Variants in RIMBP2 observed in about 807,000 individuals in gnomAD.
The protein encoded by RIMBP2 is RIMS binding protein 2, also known as RIMS-binding protein 2.
Under a neutral mutation model 118.6 loss-of-function variants are expected in RIMBP2, and 48 were observed. The ratio of observed to expected loss-of-function variants is 0.40; its 90% CI spans 0.32 to 0.51. The LOEUF (loss-of-function observed/expected upper bound fraction) is 0.51. Among genes scored for constraint, RIMBP2 ranks in the 20% least tolerant of loss-of-function variants. The pLI is 0.41. For synonymous variants in RIMBP2, 762 were observed against 742.9 expected, an observed-to-expected ratio of 1.03 and a Z score of -0.42; for missense variants, 1,551 against 1,768.3, an observed-to-expected ratio of 0.88 and a Z score of 2.20.
intron 2 of RIMBP2, among the ~76,000 whole-genome samples, chr12:130,582,301 TA>T (rs2017193496): frequency 6.6e-6 from 1 of 152,186 alleles, no homozygotes; most frequent in Non-Finnish European, 1.5e-5. Flanking sequence ...GGACCCTCAA[TA>T]AACTAGTATT....
At chr12:130,580,049 T>C (rs1486133953) in intron 2 of RIMBP2, among the ~76,000 whole-genome samples, 1 of 76,104 alleles carries the variant, frequency 1.3e-5, no homozygotes, top group African/African-American at 4.5e-5. Flanking sequence ...AAAAAAAAAA[T>C]TAGCCGGGCA....
intron 1 of RIMBP2, among the ~76,000 whole-genome samples, chr12:130,657,237 G>A (rs902130878): frequency 6.6e-6 from 1 of 152,118 alleles, no homozygotes; most frequent in African/African-American, 2.4e-5. Flanking sequence ...ATGGGATGAG[G>A]GCACATCCTC....
At chr12:130,423,354 A>G (rs2076538780) in intron 16 of RIMBP2, among the ~76,000 whole-genome samples, 1 of 152,154 alleles carries the variant, frequency 6.6e-6, no homozygotes. Flanking sequence ...TGAGGCACGG[A>G]TCTCGCACCT....
intron 1 of RIMBP2, among the ~76,000 whole-genome samples, chr12:130,664,421 GCACACACATGCA>G (rs1251533469): frequency 2.5e-5 from 2 of 80,814 alleles, no homozygotes; most frequent in African/African-American, 7.9e-5. Flanking sequence ...GCACACACAC[GCACACACATGCA>G]TGCACGCACA....
At position 130,688,837 on chromosome 12, in the gene RIMBP2, T is replaced by A. The variant is rs990865457; in HGVS notation, c.-352+27385A>T. Among the ~76,000 whole-genome samples, 2 of 152,130 alleles carry A rather than the reference T, an allele frequency of 1.3e-5. No individual in the cohort carries two copies. The highest frequency in any genetic ancestry group is 2.9e-5 in the Non-Finnish European group (2 of 68,020). On this transcript the variant is annotated intron_variant, in intron 1 of 22. Transcript: ENST00000690449. The surrounding 1 kb of genome is among the most constrained non-coding windows in gnomAD (Gnocchi z 4.7). ...CTCAGCTGAAACGTTTCGAACCAAGTCTAAACTCTGCAAAACGCTGGCTGA... is the reference window on the plus strand; with the variant it reads ...CTCAGCTGAAACGTTTCGAACCAAGACTAAACTCTGCAAAACGCTGGCTGA...
At chr12:130,460,965 C>T (rs542729189) in intron 6 of RIMBP2, among the ~76,000 whole-genome samples, 8 of 150,456 alleles carry the variant, frequency 5.3e-5, no homozygotes, top group African/African-American at 1.3e-4. Flanking sequence ...GCCTGAGAAA[C>T]GCCCCCAGGC....
At chr12:130,438,743 G>C (rs2292668) in intron 11 of RIMBP2, among the ~76,000 whole-genome samples, 1 of 151,966 alleles carries the variant, frequency 6.6e-6, no homozygotes, top group Non-Finnish European at 1.5e-5. Context: ...CTTTAAATTC[G>C]GCATTTAGTC....
chr12:130,624,081 C>T (rs535074082), intron 2 of RIMBP2, among the ~76,000 whole-genome samples: 3 of 152,352 alleles, frequency 2.0e-5, no homozygotes, highest in Non-Finnish European at 4.4e-5. Context: ...CTCAGTATAG[C>T]TACACTGCTG....
At chr12:130,412,269 T>G (rs1398265811) in intron 19 of RIMBP2, among the ~76,000 whole-genome samples, 4 of 152,072 alleles carry the variant, frequency 2.6e-5, no homozygotes, top group African/African-American at 9.7e-5. Flanking sequence ...CCACTGAAAT[T>G]TATTGTAGAC....
chr12:130,399,961 A>G, intron 21 of RIMBP2, 148 bp from the exon 22 acceptor site: 1 of 890,080 alleles, frequency 1.1e-6, no homozygotes, highest in Non-Finnish European at 1.7e-6. Flanking sequence ...ACTCTAAATC[A>G]GGGTTTCCAA....
chr12:130,408,144 C>A (rs1275752009), intron 19 of RIMBP2, among the ~76,000 whole-genome samples: 1 of 152,226 alleles, frequency 6.6e-6, no homozygotes, highest in African/African-American at 2.4e-5. Flanking sequence ...CAAATTTAGA[C>A]GGCTTTGGCC....
rs149514497 is a variant in RIMBP2, at chr12:130,648,086, G to T, written c.-351-19630C>A. The stretch of plus-strand genomic sequence containing the variant: ...AGCCAAAGGGCATGTCAGGAGTCAC[G>T]CGCTGATCATCACCGAGCAGATACA... On this transcript the variant is annotated intron_variant, in intron 1 of 22. Coordinates refer to ENST00000690449, the MANE Select transcript of RIMBP2 (RefSeq NM_001393629.1). Among the ~76,000 whole-genome samples, 139 of 130,670 alleles carry T rather than the reference G, an allele frequency of 1.1e-3. 10 individuals carry two copies. The highest frequency in any genetic ancestry group is 3.5e-3 in the African/African-American group (138 of 39,866). 85.7% of individuals were successfully genotyped at this position (130,670 alleles called of 152,430 possible).
chr12:130,698,300 C>A (rs537888359), intron 1 of RIMBP2, among the ~76,000 whole-genome samples: 78 of 152,176 alleles, frequency 5.1e-4, no homozygotes, highest in Non-Finnish European at 9.3e-4. Flanking sequence ...CAAACACTGT[C>A]CTTAACTTGC....
In RIMBP2 at chr12:130,628,465, A is replaced by G. The variant is rs1278110503; in HGVS notation, c.-351-9T>C. On this transcript the variant is annotated splice_polypyrimidine_tract_variant and intron_variant, in intron 1 of 22. Transcript: ENST00000690449. ...GGCGGGTCATTTCCAAGCTGCGGGA[A>G]GAAGTAGACACAATCTTCTGTCACC... The G allele has an allele frequency of 1.3e-5, 2 of 152,222 alleles. No individual in the cohort carries two copies. Among genetic ancestry groups the G allele is most frequent in the East Asian group, 1.9e-4 (1 of 5,204 alleles). The allele number at this position is 152,222 out of a possible 1,614,324, so 9.4% of individuals were successfully genotyped here. A position where few individuals can be genotyped will look rare whatever the true frequency, so the allele number is the denominator to read the frequency against.
chr12:130,671,303 C>T (rs545085983), intron 1 of RIMBP2, among the ~76,000 whole-genome samples: 6 of 152,308 alleles, frequency 3.9e-5, no homozygotes, highest in South Asian at 2.1e-4. Flanking sequence ...TGTCAGATGC[C>T]GTCATTCCTC....
intron 1 of RIMBP2, among the ~76,000 whole-genome samples, chr12:130,713,642 G>A (rs1392574970): frequency 6.6e-6 from 1 of 152,216 alleles, no homozygotes; most frequent in African/African-American, 2.4e-5. Flanking sequence ...GCACCACGCG[G>A]ATTCCAAACC....
rs1010934168 is a variant in RIMBP2, at chr12:130,562,644, G to A, written c.-216-44727C>T. Among the ~76,000 whole-genome samples, 9 of 152,300 alleles carry A rather than the reference G, an allele frequency of 5.9e-5. No individual in the cohort carries two copies. In the East Asian group the frequency reaches 1.7e-3, roughly 29 times the overall value. ...GAGTTGGATCACATCCCCTATCCAG[G>A]ACCAACCCCTCATAAAGGCTGGGGT... On this transcript the variant is annotated intron_variant, in intron 2 of 22. Coordinates refer to ENST00000690449, the MANE Select transcript of RIMBP2 (RefSeq NM_001393629.1).
At chr12:130,699,122 T>G (rs35936544) in intron 1 of RIMBP2, among the ~76,000 whole-genome samples, 1 of 152,022 alleles carries the variant, frequency 6.6e-6, no homozygotes, top group African/African-American at 2.4e-5. Flanking sequence ...ACTTTTACAC[T>G]GTTGGTGGGA....
rs1283769923 is a variant in RIMBP2, at chr12:130,688,085, AC to A, written c.-352+28136del. Among the ~76,000 whole-genome samples, 1 of 152,172 alleles carries A rather than the reference AC, an allele frequency of 6.6e-6. No individual in the cohort carries two copies. Among genetic ancestry groups the A allele is most frequent in the African/African-American group, 2.4e-5 (1 of 41,430 alleles). On this transcript the variant is annotated intron_variant, in intron 1 of 22. Transcript: ENST00000690449. This position sits in a 1 kb window ranked among gnomAD's most constrained non-coding sequence, Gnocchi z 4.7. ...GAAAGAGGGGCACATCACAGAAGTCACCAGAGAGCTTACAAAATGACACACT... is the reference window on the plus strand; with the variant it reads ...GAAAGAGGGGCACATCACAGAAGTCACAGAGAGCTTACAAAATGACACACT...
Sources: gnomAD v4.1 joint callset for allele counts (sites outside exome capture counted in the v4.1 genomes callset) on GRCh38, gnomAD v4.1.1 for gene constraint, Gnocchi (gnomAD v3.1) non-coding constraint, MANE v1.5 for transcripts, NCBI Gene and HGNC (gene_info 2026-07-23, HGNC 2026-07-21) for gene names.